Variants in NXPE2 observed in about 807,000 individuals in gnomAD.
The protein encoded by NXPE2 is neurexophilin and PC-esterase domain family member 2.
NXPE2 carries 34 observed loss-of-function variants against 34.4 expected under a neutral mutation model. The ratio of observed to expected loss-of-function variants is 0.99; its 90% CI spans 0.75 to 1.31. The LOEUF (loss-of-function observed/expected upper bound fraction) is 1.31. Ranked by LOEUF, NXPE2 falls within the 40% of genes most tolerant of loss-of-function variation. The probability of loss-of-function intolerance (pLI) is 0.00; values close to 1 mark genes in which losing one functional copy is unlikely to be tolerated. For missense variants in NXPE2, 649 were observed against 672.5 expected (o/e 0.97, Z 0.39); for synonymous variants, 235 against 231.3 (o/e 1.02, Z -0.15).
the NXPE2 span, among the ~76,000 whole-genome samples, chr11:114,579,856 T>C: frequency 6.6e-6 from 1 of 152,184 alleles, no homozygotes; most frequent in Non-Finnish European, 1.5e-5. Flanking sequence ...TATCTTTGGT[T>C]CCATCAATAG....
downstream of NXPE2, among the ~76,000 whole-genome samples, chr11:114,711,858 A>G (rs1416734990): frequency 6.6e-6 from 1 of 152,174 alleles, no homozygotes; most frequent in Admixed American, 6.5e-5. Context: ...CATACTTCAA[A>G]GCAACAATAA....
the NXPE2 span, among the ~76,000 whole-genome samples, chr11:114,520,123 G>A: frequency 1.1e-4 from 16 of 152,162 alleles, no homozygotes; most frequent in South Asian, 3.1e-3. Context: ...TTTAATTGAG[G>A]TAGAATACCT....
At chr11:114,560,714 G>C in the NXPE2 span, among the ~76,000 whole-genome samples, 1 of 152,146 alleles carries the variant, frequency 6.6e-6, no homozygotes, top group Admixed American at 6.5e-5. Context: ...TGTAACTTCT[G>C]CTATGCCAAA....
chr11:114,730,336 A>G, the NXPE2 span, among the ~76,000 whole-genome samples: 2 of 151,980 alleles, frequency 1.3e-5, no homozygotes, highest in Non-Finnish European at 2.9e-5. Flanking sequence ...GGGTAATGTG[A>G]TGCTCCGGTT....
At chr11:114,544,556 C>T in the NXPE2 span, among the ~76,000 whole-genome samples, 6 of 152,032 alleles carry the variant, frequency 3.9e-5, no homozygotes, top group African/African-American at 1.2e-4. Flanking sequence ...ACAGACCTCA[C>T]AATTGACAGA....
the NXPE2 span, among the ~76,000 whole-genome samples, chr11:114,803,046 C>T: frequency 1.3e-5 from 2 of 152,104 alleles, no homozygotes; most frequent in Non-Finnish European, 2.9e-5. Context: ...GAAGATCAGA[C>T]GACTGCTTCT....
the NXPE2 span, among the ~76,000 whole-genome samples, chr11:114,512,364 G>A: frequency 1.4e-4 from 22 of 152,118 alleles, no homozygotes; most frequent in Non-Finnish European, 2.4e-4. Flanking sequence ...TGTCAGTTTT[G>A]TGAACTCTTT....
the NXPE2 span, among the ~76,000 whole-genome samples, chr11:114,630,302 A>G: frequency 6.6e-6 from 1 of 151,898 alleles, no homozygotes; most frequent in Non-Finnish European, 1.5e-5. Flanking sequence ...CCAAAACAGC[A>G]TGGTACTGGT....
chr11:114,797,044 A>G, the NXPE2 span, among the ~76,000 whole-genome samples: 1 of 152,334 alleles, frequency 6.6e-6, no homozygotes, highest in Middle Eastern at 3.4e-3. Flanking sequence ...GTGCCACAAT[A>G]AGAAAGTTGG....
At chr11:114,591,610 G>A in the NXPE2 span, among the ~76,000 whole-genome samples, 108 of 152,226 alleles carry the variant, frequency 7.1e-4, no homozygotes, top group African/African-American at 2.6e-3. Context: ...GCCATTTCTC[G>A]AGGGTATACT....
the NXPE2 span, among the ~76,000 whole-genome samples, chr11:114,721,403 G>A: frequency 6.6e-6 from 1 of 152,136 alleles, no homozygotes; most frequent in Non-Finnish European, 1.5e-5. Flanking sequence ...GATCATCCGT[G>A]TTGGTGGGTT....
the NXPE2 span, among the ~76,000 whole-genome samples, chr11:114,773,594 ATG>A: frequency 6.6e-6 from 1 of 151,972 alleles, no homozygotes; most frequent in African/African-American, 2.4e-5. Context: ...GGTTAATTTT[ATG>A]TGTCAGCTTG....
the NXPE2 span, among the ~76,000 whole-genome samples, chr11:114,578,521 A>T: frequency 6.6e-6 from 1 of 152,272 alleles, no homozygotes; most frequent in East Asian, 1.9e-4. Flanking sequence ...CAGAGATCAC[A>T]ATTTAAAGCT....
At chr11:114,752,728 G>A in the NXPE2 span, among the ~76,000 whole-genome samples, 1 of 152,322 alleles carries the variant, frequency 6.6e-6, no homozygotes, top group South Asian at 2.1e-4. Context: ...AGGAACGACT[G>A]TGGGAGTCTG....
the NXPE2 span, among the ~76,000 whole-genome samples, chr11:114,800,402 G>C: frequency 1.3e-5 from 2 of 152,192 alleles, no homozygotes; most frequent in Non-Finnish European, 1.5e-5. Context: ...TAAAATGTAA[G>C]GTAGTAGCGA....
chr11:114,811,418 G>C, the NXPE2 span, among the ~76,000 whole-genome samples: 1 of 152,058 alleles, frequency 6.6e-6, no homozygotes, highest in Non-Finnish European at 1.5e-5. Flanking sequence ...AGGGATAGGG[G>C]GTGTCTCTTC....
chr11:114,660,252 A>G, the NXPE2 span, among the ~76,000 whole-genome samples: 2 of 152,054 alleles, frequency 1.3e-5, no homozygotes, highest in Non-Finnish European at 2.9e-5. Flanking sequence ...TAACAATTCT[A>G]CTGATTTTTT....
the NXPE2 span, among the ~76,000 whole-genome samples, chr11:114,534,150 C>T: frequency 6.6e-6 from 1 of 152,200 alleles, no homozygotes; most frequent in African/African-American, 2.4e-5. Context: ...TCTGCAGCCA[C>T]CACTGCTGAT....
At chr11:114,542,521 T>C in the NXPE2 span, among the ~76,000 whole-genome samples, 1 of 152,166 alleles carries the variant, frequency 6.6e-6, no homozygotes, top group Admixed American at 6.5e-5. Context: ...GCAATGGTTG[T>C]GTGCTCTGAC....
Sources: allele counts gnomAD v4.1 joint callset (sites outside exome capture counted in the v4.1 genomes callset), GRCh38; gene constraint gnomAD v4.1.1; transcripts MANE v1.5; gene names NCBI Gene and HGNC (gene_info 2026-07-23, HGNC 2026-07-21).